UBE3D: variants seen among roughly 807,000 people sequenced by gnomAD.
The protein encoded by UBE3D is E3 ubiquitin-protein ligase E3D.
Under a neutral mutation model 49.6 loss-of-function variants are expected in UBE3D, and 48 were observed. That is an observed-to-expected ratio of 0.97 (90% CI 0.77 to 1.23). The LOEUF (loss-of-function observed/expected upper bound fraction) is 1.23, where lower values mean the gene tolerates loss of function less well. UBE3D is among the 50% of genes most tolerant of loss of function. The pLI is 0.00. For synonymous variants in UBE3D, 189 were observed against 174.2 expected, an observed-to-expected ratio of 1.08 and a Z score of -0.67; for missense variants, 452 against 468.4, an observed-to-expected ratio of 0.96 and a Z score of 0.32.
intron 4 of UBE3D, among the ~76,000 whole-genome samples, chr6:83,039,722 G>A (rs1051644633): frequency 1.1e-4 from 17 of 152,058 alleles, no homozygotes; most frequent in Non-Finnish European, 2.4e-4. Context: ...TTGGCTCACT[G>A]CAACCTCCGC....
chr6:82,984,396 A>C (rs1481701462), intron 8 of UBE3D, among the ~76,000 whole-genome samples: 1 of 152,190 alleles, frequency 6.6e-6, no homozygotes, highest in Non-Finnish European at 1.5e-5. Flanking sequence ...TTTAATTTCC[A>C]TCAATGTGTC....
rs1012705786 is a variant in UBE3D at position 83,027,517 on chromosome 6, C to T, written c.668-3479G>A. Among the ~76,000 whole-genome samples the T allele has an allele frequency of 9.7e-5, 12 of 123,244 alleles. No homozygotes were observed. The South Asian group carries it at 3.1e-3, about 32-fold the overall frequency. 80.9% of individuals were successfully genotyped at this position (123,244 alleles called of 152,430 possible). On this transcript the variant is annotated intron_variant, in intron 5 of 9. Transcript: ENST00000369747. ...AACCTAGTTTGTGTTTGTCAGAAAA[C>T]ATATTTATCTTAGCCTTAATTCTTG... is the stretch of plus-strand genomic sequence containing the variant.
At chr6:83,033,216 T>G (rs1782005616) in intron 5 of UBE3D, among the ~76,000 whole-genome samples, 1 of 152,102 alleles carries the variant, frequency 6.6e-6, no homozygotes, top group African/African-American at 2.4e-5. Context: ...TCATAGGCAT[T>G]CCCTCATGAT....
chr6:82,937,329 AAAAC>A (rs1774655036), intron 9 of UBE3D, among the ~76,000 whole-genome samples: 1 of 152,030 alleles, frequency 6.6e-6, no homozygotes, highest in South Asian at 2.1e-4. Flanking sequence ...AAAACAAAAC[AAAAC>A]AAACAAACAA....
In UBE3D at chr6:82,949,870, G is replaced by C. The variant is rs148954753; in HGVS notation, c.1149+7442C>G. On this transcript the variant is annotated intron_variant, in intron 9 of 9. Coordinates refer to ENST00000369747, the MANE Select transcript of UBE3D (RefSeq NM_198920.3). ...CCATATACAAAAATCAAATAAAAAT[G>C]GATTAAAAACTTAAATCTAATACCT... Among the ~76,000 whole-genome samples, 927 of 151,724 alleles carry C rather than the reference G, an allele frequency of 6.1e-3. 12 individuals are homozygous for C. Among genetic ancestry groups the C allele is most frequent in the African/African-American group, 0.021 (874 of 41,278 alleles).
chr6:82,982,238 C>T (rs568570919), intron 8 of UBE3D, among the ~76,000 whole-genome samples: 2 of 152,162 alleles, frequency 1.3e-5, no homozygotes, highest in Non-Finnish European at 2.9e-5. Flanking sequence ...CAAATACTAT[C>T]ATATCATCTA....
At chr6:82,899,741 T>C (rs1771591773) in intron 9 of UBE3D, among the ~76,000 whole-genome samples, 1 of 152,194 alleles carries the variant, frequency 6.6e-6, no homozygotes, top group Non-Finnish European at 1.5e-5. Flanking sequence ...TCACTTCTTT[T>C]AGAATAACTG....
intron 9 of UBE3D, among the ~76,000 whole-genome samples, chr6:82,907,100 T>C (rs1397662161): frequency 6.6e-6 from 1 of 152,162 alleles, no homozygotes; most frequent in East Asian, 1.9e-4. Context: ...GAGAAATAAC[T>C]GCTTCCAGAA....
chr6:83,044,639 G>T lies in UBE3D; in HGVS notation c.386C>A (p.Pro129Gln). ...AGCTCCCCAGTTCTCACTCGGCAGT[G>T]GGAGCACCCTGAGGAGCTTCCTAGT... ...IKDRKLLRVL[P>Q]LPSENWGALV... The change falls in exon 4 of 10, where the codon CCA becomes CAA. Residue 129 changes from proline to glutamine, a missense_variant. By Grantham distance (76) the Pro-to-Gln change is moderately conservative (BLOSUM62 -1). Transcript: ENST00000369747. 1 of 1,614,008 alleles carries T rather than the reference G, an allele frequency of 6.2e-7. No individual in the cohort carries two copies. The highest frequency in any genetic ancestry group is 1.1e-5 in the South Asian group (1 of 91,074).
chr6:83,014,309 C>A (rs1780543866), intron 8 of UBE3D, among the ~76,000 whole-genome samples: 1 of 152,196 alleles, frequency 6.6e-6, no homozygotes, highest in Non-Finnish European at 1.5e-5. Context: ...TCCAGGGATG[C>A]AATATTAGTT....
intron 5 of UBE3D, among the ~76,000 whole-genome samples, chr6:83,030,343 T>C (rs1781776731): frequency 6.6e-6 from 1 of 152,176 alleles, no homozygotes; most frequent in African/African-American, 2.4e-5. Flanking sequence ...GGGCATGTTT[T>C]TCCCATATCA....
intron 8 of UBE3D, among the ~76,000 whole-genome samples, chr6:82,985,008 C>CTTTTT (rs70987727): frequency 0.028 from 1,494 of 52,454 alleles, 16 homozygotes; most frequent in Non-Finnish European, 0.034. Flanking sequence ...TCTTCTTCTT[C>CTTTTT]TTTTTTTTTT....
intron 9 of UBE3D, among the ~76,000 whole-genome samples, chr6:82,902,739 T>C (rs1771827792): frequency 6.6e-6 from 1 of 152,168 alleles, no homozygotes; most frequent in Admixed American, 6.6e-5. Flanking sequence ...TAAAATTGTA[T>C]AGAACTCAGT....
At chr6:82,887,389 G>GTTTTTGT in the UBE3D span, among the ~76,000 whole-genome samples, 4 of 98,322 alleles carry the variant, frequency 4.1e-5, no homozygotes, top group African/African-American at 2.0e-4. Context: ...GACAGTAACA[G>GTTTTTGT]TTTTTTTTTT....
At chr6:82,946,842 T>C (rs1391591140) in intron 9 of UBE3D, among the ~76,000 whole-genome samples, 1 of 151,874 alleles carries the variant, frequency 6.6e-6, no homozygotes, top group African/African-American at 2.4e-5. Context: ...TTAGTTGTTA[T>C]CAGCCTAAAA....
intron 9 of UBE3D, among the ~76,000 whole-genome samples, chr6:82,933,566 A>C (rs1482258432): frequency 2.0e-5 from 3 of 152,150 alleles, no homozygotes; most frequent in Admixed American, 6.5e-5. Flanking sequence ...AACATCCTTG[A>C]CTCCATAGGT....
chr6:82,893,808 C>T (rs1246824546), intron 9 of UBE3D, among the ~76,000 whole-genome samples: 1 of 152,076 alleles, frequency 6.6e-6, no homozygotes, highest in Admixed American at 6.5e-5. Flanking sequence ...AAGTATGGGA[C>T]ATCTGTCAAT....
At chr6:82,986,983 C>T (rs911354406) in intron 8 of UBE3D, among the ~76,000 whole-genome samples, 5 of 151,790 alleles carry the variant, frequency 3.3e-5, no homozygotes, top group East Asian at 3.9e-4. Flanking sequence ...CTTGATCCGT[C>T]GCCCAGGCTG....
chr6:82,897,815 C>A (rs1187902454), intron 9 of UBE3D, among the ~76,000 whole-genome samples: 1 of 152,116 alleles, frequency 6.6e-6, no homozygotes, highest in Non-Finnish European at 1.5e-5. Context: ...GTTGAGGATA[C>A]CCTAGACTCA....
Sources: gnomAD v4.1 joint callset for allele counts (sites outside exome capture counted in the v4.1 genomes callset) on GRCh38, gnomAD v4.1.1 for gene constraint, MANE v1.5 for transcripts, NCBI Gene and HGNC (gene_info 2026-07-23, HGNC 2026-07-21) for gene names.